The following MAGED1 variants were observed in gnomAD, a reference collection of about 807,000 sequenced individuals.
MAGED1 encodes MAGE family member D1, also known as melanoma-associated antigen D1.
Under a neutral mutation model 54.1 loss-of-function variants are expected in MAGED1, and 3 were observed. That is an observed-to-expected ratio of 0.06 (90% CI 0.03 to 0.14). MAGED1 has a LOEUF of 0.14. MAGED1 is among the 10% of genes least tolerant of loss of function. The pLI is 1.00. For synonymous variants in MAGED1, 217 were observed against 227.3 expected (o/e 0.95, Z 0.41); for missense variants, 485 against 623.4 (o/e 0.78, Z 2.36).
rs782734603 is a variant in MAGED1, at chrX:51,843,032, T to TA, written c.-37+39915_-37+39916insA. 1.2e-4 allele frequency among the ~76,000 whole-genome samples: 13 copies of TA among 111,919 alleles called. No individual in the cohort carries two copies. The East Asian group carries it at 3.7e-3, about 32-fold the overall frequency. On this transcript the variant is annotated intron_variant, in intron 1 of 12. Transcript: ENST00000375772. ...ATTAAACATGCTTGAAGTAATAACT[T>TA]CTGGCCTTATAAAGAGTTTTTATAA...
At chrX:51,896,088 T>C in intron 3 of MAGED1, 1 of 379,659 alleles carries the variant, frequency 2.6e-6, no homozygotes, top group Non-Finnish European at 4.5e-6. Flanking sequence ...GGGATCATAG[T>C]GCCAATTTTA....
intron 11 of MAGED1, among the ~76,000 whole-genome samples, 194 bp from the exon 12 acceptor site, chrX:51,901,359 A>G (rs1200466327): frequency 9.8e-5 from 11 of 112,132 alleles, no homozygotes; most frequent in Non-Finnish European, 3.8e-5. Context: ...TTCACTTAGC[A>G]TAATGTCATC....
intron 1 of MAGED1, among the ~76,000 whole-genome samples, chrX:51,856,526 C>G (rs1285807371): frequency 8.9e-6 from 1 of 112,082 alleles, no homozygotes; most frequent in Non-Finnish European, 1.9e-5. Context: ...GTTTGCATTT[C>G]CTTTTTTGTG....
chrX:51,846,963 C>T (rs1265533168), intron 1 of MAGED1, among the ~76,000 whole-genome samples: 3 of 111,942 alleles, frequency 2.7e-5, no homozygotes, highest in Non-Finnish European at 5.6e-5. Context: ...TAAGAAAATA[C>T]ATTTGTATTG....
At chrX:51,814,896 C>T (rs1200568783) in intron 1 of MAGED1, among the ~76,000 whole-genome samples, 1 of 104,708 alleles carries the variant, frequency 9.6e-6, no homozygotes, top group Non-Finnish European at 1.9e-5. Flanking sequence ...TTTGGGAGGC[C>T]GAGGCAGGCA....
intron 1 of MAGED1, among the ~76,000 whole-genome samples, chrX:51,829,335 G>C (rs782351514): frequency 6.4e-5 from 7 of 109,982 alleles, no homozygotes; most frequent in Admixed American, 9.8e-5. Context: ...GTGTGTGTGT[G>C]TATATGTATA....
intron 1 of MAGED1, among the ~76,000 whole-genome samples, chrX:51,827,804 C>T (rs946550247): frequency 1.8e-5 from 2 of 111,629 alleles, no homozygotes; most frequent in Non-Finnish European, 3.8e-5. Flanking sequence ...AATGGTTTTG[C>T]GGTATCAAAA....
chrX:51,803,616 C>G (rs1358868081), intron 1 of MAGED1, among the ~76,000 whole-genome samples: 1 of 96,547 alleles, frequency 1.0e-5, no homozygotes, highest in Admixed American at 1.2e-4. Context: ...GGTGTGACTT[C>G]AAGGTCAAGG....
intron 1 of MAGED1, among the ~76,000 whole-genome samples, chrX:51,876,234 C>CT (rs782260180): frequency 3.0e-3 from 312 of 102,391 alleles, no homozygotes; most frequent in Non-Finnish European, 4.7e-3. Context: ...GTCTTTCTTT[C>CT]TTTTTTTTTT....
intron 1 of MAGED1, among the ~76,000 whole-genome samples, chrX:51,859,531 AT>A (rs1433536520): frequency 3.6e-5 from 4 of 111,924 alleles, no homozygotes; most frequent in Admixed American, 2.9e-4. Flanking sequence ...GCGGCCCACA[AT>A]TTGCAAAACC....
chrX:51,893,645 T>G lies in MAGED1; in HGVS notation c.-147T>G, dbSNP rs1928549096. On this transcript the variant is annotated 5_prime_UTR_variant, in exon 1 of 13. Transcript: ENST00000326587. The stretch of plus-strand genomic sequence containing the variant: ...CCCAAGCTGCCGCGCTGGCATTTTC[T>G]CCTGGACAAGGAGAGAGTGCGGCTG... 8.8e-6 allele frequency: 1 copy of G among 113,440 alleles called. No homozygotes were observed. Among genetic ancestry groups the G allele is most frequent in the South Asian group, 3.6e-4 (1 of 2,785 alleles). The allele number at this position is 113,440 out of a possible 1,213,427, so 9.3% of individuals were successfully genotyped here. A position where few individuals can be genotyped will look rare whatever the true frequency, so the allele number is the denominator to read the frequency against.
rs1425890272 is a variant in MAGED1, at chrX:51,894,245, T to G, written c.-36-24T>G. On this transcript the variant is annotated intron_variant, in intron 1 of 12. Transcript: ENST00000326587. Reference sequence around the variant, plus strand: ...TCCTTCGTATTTGCCCTCTGTAGTATAACGCCCTGCCCCTCTCCCACAGCC... The same window carrying G: ...TCCTTCGTATTTGCCCTCTGTAGTAGAACGCCCTGCCCCTCTCCCACAGCC... 3.0e-6 allele frequency: 3 copies of G among 1,001,985 alleles called. No homozygotes were observed. In the South Asian group the frequency reaches 6.1e-5, roughly 20 times the overall value. The allele number at this position is 1,001,985 out of a possible 1,213,427, so 82.6% of individuals were successfully genotyped here.
chrX:51,856,708 T>C (rs1927096487), intron 1 of MAGED1, among the ~76,000 whole-genome samples: 1 of 111,904 alleles, frequency 8.9e-6, no homozygotes, highest in African/African-American at 3.2e-5. Flanking sequence ...GTCTCTTCTT[T>C]GGAGAAGACT....
chrX:51,888,593 C>A (rs1274107715), upstream of MAGED1, among the ~76,000 whole-genome samples: 2 of 111,946 alleles, frequency 1.8e-5, no homozygotes, highest in Non-Finnish European at 1.9e-5. Context: ...TTACTATATA[C>A]CCCAACAATT....
chrX:51,806,400 A>C (rs782733728), intron 1 of MAGED1, among the ~76,000 whole-genome samples: 1 of 112,024 alleles, frequency 8.9e-6, no homozygotes, highest in Non-Finnish European at 1.9e-5. Flanking sequence ...GTCCTCTGTC[A>C]TTGTATAATA....
chrX:51,883,679 G>T (rs1928140920), intron 1 of MAGED1, among the ~76,000 whole-genome samples: 4 of 112,045 alleles, frequency 3.6e-5, no homozygotes. Flanking sequence ...ATCTGACAAA[G>T]ATTTTTAAAC....
chrX:51,857,222 T>C (rs1338359932), intron 1 of MAGED1: 1 of 112,001 alleles, frequency 8.9e-6, no homozygotes, highest in African/African-American at 3.2e-5. Flanking sequence ...CAGGACATGA[T>C]TCTCTTTCAA....
At chrX:51,833,197 G>A (rs1318943583) in intron 1 of MAGED1, among the ~76,000 whole-genome samples, 1 of 110,200 alleles carries the variant, frequency 9.1e-6, no homozygotes, top group Non-Finnish European at 1.9e-5. Context: ...TTAAACTAAA[G>A]CATTATATTG....
chrX:51,817,124 G>C (rs1557356148), intron 1 of MAGED1, among the ~76,000 whole-genome samples: 1 of 112,007 alleles, frequency 8.9e-6, no homozygotes, highest in Non-Finnish European at 1.9e-5. Context: ...GATCCAATGA[G>C]TGATAAAATT....
Sources: allele counts gnomAD v4.1 joint callset (sites outside exome capture counted in the v4.1 genomes callset), GRCh38; gene constraint gnomAD v4.1.1; transcripts MANE v1.5; gene names NCBI Gene and HGNC (gene_info 2026-07-23, HGNC 2026-07-21).